OSBPL6: variants seen among roughly 807,000 people sequenced by gnomAD.
The protein encoded by OSBPL6 is oxysterol-binding protein-related protein 6.
Under a neutral mutation model 125.8 loss-of-function variants are expected in OSBPL6, and 49 were observed. That is an observed-to-expected ratio of 0.39 (90% CI 0.31 to 0.49). OSBPL6 has a LOEUF of 0.49. Ranked by LOEUF, OSBPL6 falls within the 20% of genes least tolerant of loss-of-function variation. OSBPL6 has a pLI of 0.88. For synonymous variants in OSBPL6, 394 were observed against 391.8 expected, an observed-to-expected ratio of 1.01 and a Z score of -0.07; for missense variants, 986 against 1,135.4, an observed-to-expected ratio of 0.87 and a Z score of 1.89.
chr2:178,368,866 T>C (rs1693110240), intron 13 of OSBPL6, among the ~76,000 whole-genome samples: 1 of 151,830 alleles, frequency 6.6e-6, no homozygotes, highest in South Asian at 2.1e-4. Flanking sequence ...TGACACAGTC[T>C]TGGCTCAGTG....
intron 11 of OSBPL6, among the ~76,000 whole-genome samples, chr2:178,340,072 A>C (rs542736110): frequency 6.6e-6 from 1 of 152,160 alleles, no homozygotes; most frequent in African/African-American, 2.4e-5. Context: ...AAAAATCTAG[A>C]TTAAAAATCT....
chr2:178,304,486 C>G (rs1285914488), intron 2 of OSBPL6, among the ~76,000 whole-genome samples: 4 of 152,152 alleles, frequency 2.6e-5, no homozygotes, highest in Non-Finnish European at 5.9e-5. Context: ...CCCCCAAGAT[C>G]AAATTACTTC....
chr2:178,296,265 G>A (rs1277150751), intron 2 of OSBPL6, among the ~76,000 whole-genome samples: 1 of 152,186 alleles, frequency 6.6e-6, no homozygotes, highest in Non-Finnish European at 1.5e-5. Flanking sequence ...GAGAACCTAT[G>A]TAGTAGATGA....
chr2:178,335,621 A>G (rs1005640821), intron 8 of OSBPL6, among the ~76,000 whole-genome samples: 1 of 152,206 alleles, frequency 6.6e-6, no homozygotes, highest in Non-Finnish European at 1.5e-5. Flanking sequence ...TATTAAAGTC[A>G]ACTATGGAGT....
rs964506327 is a variant in OSBPL6 at position 178,349,171 on chromosome 2, A to G, written c.988-53A>G. On this transcript the variant is annotated intron_variant, in intron 11 of 24. Transcript: ENST00000190611. ...GGGAGAGGTCTTTTCTATGTAGGAG[A>G]ATGTGAAACAATGCACTGTTGCTGT... The G allele has an allele frequency of 1.1e-5, 17 of 1,550,966 alleles. No individual in the cohort carries two copies. The African/African-American group carries it at 1.9e-4, about 17-fold the overall frequency.
chr2:178,266,373 T>C (rs2092234628), intron 1 of OSBPL6, among the ~76,000 whole-genome samples: 1 of 152,210 alleles, frequency 6.6e-6, no homozygotes, highest in African/African-American at 2.4e-5. Flanking sequence ...CCTTATAATT[T>C]ACAGTGAGCT....
chr2:178,394,505 G>A, intron 24 of OSBPL6, 70 bp downstream of exon 24: 2 of 1,502,992 alleles, frequency 1.3e-6, no homozygotes, highest in South Asian at 2.6e-5. Flanking sequence ...AGAAACTCCA[G>A]TTAAATGAAA....
At chr2:178,381,960 C>T (rs1434415815) in intron 15 of OSBPL6, among the ~76,000 whole-genome samples, 1 of 152,174 alleles carries the variant, frequency 6.6e-6, no homozygotes, top group Non-Finnish European at 1.5e-5. Flanking sequence ...GTGCTTCTGT[C>T]CCTTCTAATA....
chr2:178,256,573 G>A (rs770831182), intron 1 of OSBPL6, among the ~76,000 whole-genome samples: 2 of 152,172 alleles, frequency 1.3e-5, no homozygotes, highest in Admixed American at 6.5e-5. Context: ...TGAATGCAGC[G>A]TCTGAGGCAG....
In OSBPL6 at chr2:178,401,625, A is replaced by G. The variant is rs1344009321; in HGVS notation, c.*6066A>G. On this transcript the variant is annotated 3_prime_UTR_variant, in exon 25 of 25. Transcript: ENST00000190611. ...ACAAGAGAAATGGAATCTGGGGAAA[A>G]AAGTAGGTTCTCTAACTGGGGCAGG... 6.6e-6 allele frequency: 1 copy of G among 152,240 alleles called. No homozygotes were observed. The highest frequency in any genetic ancestry group is 1.5e-5 in the Non-Finnish European group (1 of 68,042). The allele number at this position is 152,240 out of a possible 1,614,324, so 9.4% of individuals were successfully genotyped here. A position where few individuals can be genotyped will look rare whatever the true frequency, so the allele number is the denominator to read the frequency against.
Position 178,384,078 on chromosome 2 carries a change from A to T in OSBPL6, c.1915A>T (p.Thr639Ser), listed in dbSNP as rs765079249. 1 of 1,614,054 alleles carries T rather than the reference A, an allele frequency of 6.2e-7. No individual in the cohort carries two copies. The highest frequency in any genetic ancestry group is 1.1e-5 in the South Asian group (1 of 91,076). The change falls in exon 18 of 25, where the codon ACC (threonine) becomes TCC (serine). Residue 639 changes from threonine (T) to serine (S), a missense_variant. Thr to Ser is a moderately conservative substitution (Grantham distance 58, BLOSUM62 1). Transcript: ENST00000190611. ...AAFAVSGYCS[T>S]YFRAGSKPFN... ...ATTTGCAGTTTCAGGATACTGCTCCACCTATTTCAGAGCAGGAAGTAAGCC... is the reference window on the plus strand; with the variant it reads ...ATTTGCAGTTTCAGGATACTGCTCCTCCTATTTCAGAGCAGGAAGTAAGCC...
At chr2:178,365,036 C>T (rs1307351715) in intron 13 of OSBPL6, among the ~76,000 whole-genome samples, 2 of 152,014 alleles carry the variant, frequency 1.3e-5, no homozygotes, top group South Asian at 2.1e-4. Context: ...ATTAGCTGGG[C>T]GTGGTGGCGG....
intron 1 of OSBPL6, among the ~76,000 whole-genome samples, chr2:178,206,476 C>G (rs1459436123): frequency 6.6e-6 from 1 of 152,120 alleles, no homozygotes; most frequent in East Asian, 1.9e-4. Flanking sequence ...CATTATCCAG[C>G]CTTTGGTTTT....
chr2:178,205,500 A>C (rs2089478872), intron 1 of OSBPL6, among the ~76,000 whole-genome samples: 1 of 152,216 alleles, frequency 6.6e-6, no homozygotes, highest in Non-Finnish European at 1.5e-5. Context: ...TGTAGGTCTG[A>C]GAAAGGTAAA....
At chr2:178,333,735 T>C (rs1310362419) in intron 8 of OSBPL6, among the ~76,000 whole-genome samples, 1 of 152,250 alleles carries the variant, frequency 6.6e-6, no homozygotes, top group Non-Finnish European at 1.5e-5. Flanking sequence ...CTTGCCTTTG[T>C]GTCTTGACCT....
At chr2:178,314,240 G>A (rs1257864685) in intron 3 of OSBPL6, among the ~76,000 whole-genome samples, 1 of 152,198 alleles carries the variant, frequency 6.6e-6, no homozygotes, top group Non-Finnish European at 1.5e-5. Context: ...AATTTCTAAA[G>A]AAAAGAAAGT....
At chr2:178,242,657 G>T (rs1406145702) in intron 1 of OSBPL6, among the ~76,000 whole-genome samples, 1 of 152,164 alleles carries the variant, frequency 6.6e-6, no homozygotes, top group Admixed American at 6.5e-5. Flanking sequence ...TTTGAATTAA[G>T]AGTCCCTTAT....
Position 178,399,171 on chromosome 2 carries a change from C to G in OSBPL6, c.*3612C>G, listed in dbSNP as rs1319453186. 2 of 152,100 alleles carry G rather than the reference C, an allele frequency of 1.3e-5. No homozygotes were observed. The highest frequency in any genetic ancestry group is 4.8e-5 in the African/African-American group (2 of 41,424). 9.4% of individuals were successfully genotyped at this position (152,100 alleles called of 1,614,324 possible). A position where few individuals can be genotyped will look rare whatever the true frequency, so the allele number is the denominator to read the frequency against. On this transcript the variant is annotated 3_prime_UTR_variant, in exon 25 of 25. Coordinates refer to ENST00000190611, the MANE Select transcript of OSBPL6 (RefSeq NM_032523.4). ...GATATATAAAATGTATCTAATTAAA[C>G]AATTTTGAATCTATTTTGTGCTCTA... is the stretch of plus-strand genomic sequence containing the variant.
chr2:178,309,579 T>A (rs1470722343), intron 3 of OSBPL6, among the ~76,000 whole-genome samples: 1 of 152,216 alleles, frequency 6.6e-6, no homozygotes, highest in Non-Finnish European at 1.5e-5. Flanking sequence ...CGAAATAAAA[T>A]GACTCAGTGC....
Sources: allele counts gnomAD v4.1 joint callset (sites outside exome capture counted in the v4.1 genomes callset), GRCh38; gene constraint gnomAD v4.1.1; transcripts MANE v1.5; gene names NCBI Gene and HGNC (gene_info 2026-07-23, HGNC 2026-07-21).